ALMS1: variants seen among roughly 807,000 people sequenced by gnomAD.
ALMS1 encodes the protein centrosome-associated protein ALMS1.
Under a neutral mutation model 352.2 loss-of-function variants are expected in ALMS1, and 271 were observed. The ratio of observed to expected loss-of-function variants is 0.77; its 90% confidence interval spans 0.70 to 0.85. The LOEUF is 0.85. Ranked by LOEUF, ALMS1 falls within the 40% of genes least tolerant of loss-of-function variation. The probability of loss-of-function intolerance (pLI) is 0.00; values close to 1 mark genes in which losing one functional copy is unlikely to be tolerated. For missense variants in ALMS1, 5,445 were observed against 4,870.7 expected (o/e 1.12, Z -3.51); for synonymous variants, 1,865 against 1,761.2 (o/e 1.06, Z -1.48).
chr2:73,414,473 G>GTTTTTTTTTTTTTTTTT (rs61660489), intron 2 of ALMS1, among the ~76,000 whole-genome samples: 3 of 66,448 alleles, frequency 4.5e-5, no homozygotes, highest in Middle Eastern at 0.018. Context: ...CTTTTTTTCC[G>GTTTTTTTTTTTTTTTTT]TTTTTTTTTT....
rs571782143 is a variant in ALMS1, at chr2:73,601,250, C to T, written c.11928C>T (p.Asn3976=). The part of the protein sequence containing the change: ...ENVESRSKKE[N]VPNTCGPGIS... Reference sequence around the variant, plus strand: ...TGGAGTCTAGATCAAAGAAGGAAAACGTGCCTAACACTTGTGGCCCTGGCA... The same window carrying T: ...TGGAGTCTAGATCAAAGAAGGAAAATGTGCCTAACACTTGTGGCCCTGGCA... The change falls in exon 19 of 23, where the codon AAC becomes AAT. Residue 3976 remains asparagine (N), a synonymous_variant. Transcript: ENST00000613296. The T allele has an allele frequency of 1.4e-5, 22 of 1,614,174 alleles. No individual in the cohort carries two copies. The African/African-American group carries it at 1.7e-4, about 13-fold the overall frequency.
intron 16 of ALMS1, among the ~76,000 whole-genome samples, chr2:73,577,680 G>T (rs1016695339): frequency 2.4e-4 from 37 of 151,848 alleles, no homozygotes; most frequent in Non-Finnish European, 1.2e-4. Flanking sequence ...TGACTGTTTA[G>T]GACAGTGTTG....
intron 13 of ALMS1, among the ~76,000 whole-genome samples, chr2:73,552,410 G>C (rs1389340499): frequency 6.6e-6 from 1 of 152,196 alleles, no homozygotes; most frequent in African/African-American, 2.4e-5. Flanking sequence ...GCTAGTGGCA[G>C]TTTGGTTGAA....
At chr2:73,599,565 TGGC>T (rs1675627693) in intron 17 of ALMS1, 44 bp downstream of exon 17, 1 of 1,592,450 alleles carries the variant, frequency 6.3e-7, no homozygotes. Flanking sequence ...TACATTGAAA[TGGC>T]TCTTAAACAT....
intron 11 of ALMS1, among the ~76,000 whole-genome samples, chr2:73,531,955 C>T (rs1673924996): frequency 6.6e-6 from 1 of 152,222 alleles, no homozygotes; most frequent in African/African-American, 2.4e-5. Flanking sequence ...GTCTCTGCCT[C>T]AACATATGGG....
intron 16 of ALMS1, among the ~76,000 whole-genome samples, chr2:73,591,849 G>C (rs1010140786): frequency 6.6e-6 from 1 of 152,202 alleles, no homozygotes; most frequent in East Asian, 1.9e-4. Context: ...GAAACATGCT[G>C]TCTCGCTCTA....
intron 10 of ALMS1, among the ~76,000 whole-genome samples, chr2:73,518,989 A>C (rs1043209005): frequency 2.0e-5 from 3 of 152,124 alleles, no homozygotes; most frequent in African/African-American, 7.2e-5. Flanking sequence ...TCGTCGTGAA[A>C]TTGCCTGTTT....
intron 11 of ALMS1, among the ~76,000 whole-genome samples, chr2:73,522,908 A>G (rs1381625427): frequency 6.6e-6 from 1 of 152,224 alleles, no homozygotes; most frequent in East Asian, 1.9e-4. Flanking sequence ...ATTCAGGTCT[A>G]TCATAGATTT....
intron 12 of ALMS1, among the ~76,000 whole-genome samples, chr2:73,538,606 G>A (rs543392525): frequency 2.0e-4 from 31 of 152,286 alleles, no homozygotes; most frequent in African/African-American, 6.3e-4. Context: ...CCCGGGAAGC[G>A]CAAGGGGTCA....
chr2:73,558,847 T>G (rs887403299), intron 14 of ALMS1, 125 bp from the exon 15 acceptor site: 3 of 1,059,784 alleles, frequency 2.8e-6, no homozygotes. Flanking sequence ...TAAACGCATT[T>G]CTGAGTCATC....
intron 16 of ALMS1, among the ~76,000 whole-genome samples, chr2:73,594,706 G>T (rs1675508685): frequency 6.6e-6 from 1 of 152,134 alleles, no homozygotes; most frequent in Non-Finnish European, 1.5e-5. Context: ...GGAATACCTG[G>T]CTCTGCTCCC....
chr2:73,467,780 C>T (rs931460995), intron 9 of ALMS1, among the ~76,000 whole-genome samples: 1 of 152,006 alleles, frequency 6.6e-6, no homozygotes, highest in African/African-American at 2.4e-5. Flanking sequence ...CTACTACTGC[C>T]TCAACAACCT....
chr2:73,413,715 G>T (rs768436852), intron 2 of ALMS1, among the ~76,000 whole-genome samples: 1 of 152,130 alleles, frequency 6.6e-6, no homozygotes, highest in Non-Finnish European at 1.5e-5. Context: ...TTTTGAGTTG[G>T]TTTTTGTATA....
intron 9 of ALMS1, chr2:73,469,859 TAACAA>T (rs1404225515): frequency 4.0e-5 from 6 of 151,868 alleles, no homozygotes; most frequent in Admixed American, 6.6e-5. Context: ...GGTATACTCT[TAACAA>T]AAAGAAAAAA....
chr2:73,430,297 C>T (rs903203962), intron 6 of ALMS1, among the ~76,000 whole-genome samples: 2 of 152,072 alleles, frequency 1.3e-5, no homozygotes, highest in Non-Finnish European at 2.9e-5. Context: ...AGGATGGTCT[C>T]GATCTCCTGA....
chr2:73,486,515 A>G (rs1672851057), intron 9 of ALMS1, among the ~76,000 whole-genome samples: 1 of 152,184 alleles, frequency 6.6e-6, no homozygotes, highest in Admixed American at 6.5e-5. Flanking sequence ...AGCTAGTGAG[A>G]AAAGCTCTTG....
chr2:73,454,916 A>T (rs1672028552), intron 8 of ALMS1, among the ~76,000 whole-genome samples: 1 of 152,238 alleles, frequency 6.6e-6, no homozygotes, highest in Non-Finnish European at 1.5e-5. Context: ...GATAAATATG[A>T]TTGATTACCC....
chr2:73,450,224 A>G lies in ALMS1; in HGVS notation c.3697A>G (p.Thr1233Ala). 1 of 1,613,820 alleles carries G rather than the reference A, an allele frequency of 6.2e-7. No individual in the cohort carries two copies. The highest frequency in any genetic ancestry group is 1.3e-5 in the African/African-American group (1 of 74,934). The change falls in exon 8 of 23, where the codon ACT becomes GCT. Residue 1233 changes from threonine (T) to alanine (A), a missense_variant. By Grantham distance (58) the Thr-to-Ala change is moderately conservative. Transcript: ENST00000613296. ...GPADQKTGTP[T>A]PTSASYSHTE... ...AGCTGACCAGAAGACTGGGACACCA[A>G]CTCCAACCTCTGCTTCTTACTCACA...
chr2:73,452,618 A>G lies in ALMS1; in HGVS notation c.6091A>G (p.Ile2031Val), dbSNP rs762872999. ...AGAGAAGCCCAAGATTTCAACTGTG[A>G]TTGGACCAAATGACCAGAAGACTCC... ...QIEKPKISTV[I>V]GPNDQKTPSQ... Residue 2031 changes from isoleucine (I) to valine (V), a missense_variant, in exon 8 of 23, where the codon ATT becomes GTT. Coordinates refer to ENST00000613296, the MANE Select transcript of ALMS1 (RefSeq NM_001378454.1). 27 of 1,614,052 alleles carry G rather than the reference A, an allele frequency of 1.7e-5. No individual in the cohort carries two copies. Among genetic ancestry groups the G allele is most frequent in the Non-Finnish European group, 2.3e-5 (27 of 1,179,986 alleles).
Sources: gnomAD v4.1 joint callset for allele counts (sites outside exome capture counted in the v4.1 genomes callset) on GRCh38, gnomAD v4.1.1 for gene constraint, MANE v1.5 for transcripts, NCBI Gene and HGNC (gene_info 2026-07-23, HGNC 2026-07-21) for gene names.